Variants in KLKB1 observed in about 807,000 individuals in gnomAD.
KLKB1 encodes kallikrein B1, also known as plasma kallikrein.
Under a neutral mutation model 73.6 loss-of-function variants are expected in KLKB1, and 58 were observed. That is an observed-to-expected ratio of 0.79 (90% CI 0.64 to 0.98). The LOEUF (loss-of-function observed/expected upper bound fraction) is 0.98. Among genes scored for constraint, KLKB1 ranks in the 50% least tolerant of loss-of-function variants. The pLI, the probability that KLKB1 is intolerant of heterozygous loss-of-function variation, is 0.00. For missense variants in KLKB1, 737 were observed against 763.8 expected, an observed-to-expected ratio of 0.96 and a Z score of 0.41; for synonymous variants, 280 against 258.1, an observed-to-expected ratio of 1.08 and a Z score of -0.81.
upstream of KLKB1, among the ~76,000 whole-genome samples, chr4:186,225,757 A>C (rs571931046): frequency 6.6e-6 from 1 of 151,912 alleles, no homozygotes; most frequent in Non-Finnish European, 1.5e-5. Context: ...TATTTAATCT[A>C]TTTGGAGTTC....
intron 2 of KLKB1, among the ~76,000 whole-genome samples, chr4:186,231,487 T>TA (rs1483936907): frequency 6.6e-6 from 1 of 152,244 alleles, no homozygotes; most frequent in Non-Finnish European, 1.5e-5. Flanking sequence ...TAAACTGTCT[T>TA]AAAAATGAGT....
intron 2 of KLKB1, chr4:186,212,288 C>A (rs1736748392): frequency 6.6e-6 from 1 of 152,100 alleles, no homozygotes; most frequent in Non-Finnish European, 1.5e-5. Context: ...GGGATTCTTC[C>A]ATCTTTAAAG....
intron 2 of KLKB1, among the ~76,000 whole-genome samples, chr4:186,215,260 AT>A (rs1193271697): frequency 4.0e-5 from 6 of 149,556 alleles, no homozygotes; most frequent in African/African-American, 1.2e-4. Context: ...AAAAAAAAAA[AT>A]ATGTAGGCAC....
intron 6 of KLKB1, among the ~76,000 whole-genome samples, chr4:186,244,285 C>T (rs1580013272): frequency 6.6e-6 from 1 of 151,960 alleles, no homozygotes; most frequent in Non-Finnish European, 1.5e-5. Flanking sequence ...AACTTAGTAT[C>T]CAAAGGCGGA....
intron 2 of KLKB1, among the ~76,000 whole-genome samples, chr4:186,231,369 G>C (rs901435089): frequency 3.3e-5 from 5 of 152,178 alleles, no homozygotes; most frequent in African/African-American, 1.2e-4. Flanking sequence ...TAAAGACACC[G>C]AATTCTCTAA....
intron 2 of KLKB1, 25 bp from the exon 3 acceptor site, chr4:186,232,102 A>T: frequency 1.3e-6 from 2 of 1,572,026 alleles, no homozygotes; most frequent in Non-Finnish European, 1.7e-6. Flanking sequence ...ATTATCGCAA[A>T]TTAATTTTTA....
chr4:186,221,248 G>A (rs1429178468), intron 2 of KLKB1, among the ~76,000 whole-genome samples: 1 of 150,530 alleles, frequency 6.6e-6, no homozygotes, highest in East Asian at 1.9e-4. Context: ...CAATAACAGT[G>A]TCATTGACCT....
At chr4:186,254,260 G>A (rs1281177150) in intron 11 of KLKB1, among the ~76,000 whole-genome samples, 1 of 152,240 alleles carries the variant, frequency 6.6e-6, no homozygotes, top group Non-Finnish European at 1.5e-5. Flanking sequence ...TTTGGTGAAT[G>A]AGCTTAATTT....
upstream of KLKB1, among the ~76,000 whole-genome samples, chr4:186,225,423 CTTTTTTT>C (rs35336018): frequency 9.4e-6 from 1 of 106,682 alleles, no homozygotes. Flanking sequence ...GTGAGGATTT[CTTTTTTT>C]TTTTTTTTTT....
intron 6 of KLKB1, among the ~76,000 whole-genome samples, chr4:186,246,819 C>T (rs1383723707): frequency 2.0e-5 from 3 of 152,134 alleles, no homozygotes; most frequent in Non-Finnish European, 2.9e-5. Flanking sequence ...ACCTCTGAAA[C>T]GTGGGTGAAT....
At chr4:186,248,811 A>G (rs532860634) in intron 6 of KLKB1, among the ~76,000 whole-genome samples, 2 of 152,302 alleles carry the variant, frequency 1.3e-5, no homozygotes, top group East Asian at 3.9e-4. Flanking sequence ...TGAGGGCTTC[A>G]GTCTCTCTAC....
chr4:186,228,625 G>A (rs1737256279), intron 2 of KLKB1, among the ~76,000 whole-genome samples: 1 of 152,120 alleles, frequency 6.6e-6, no homozygotes. Flanking sequence ...AGAGTGCTAG[G>A]CATTTTATAG....
At chr4:186,246,561 A>T (rs1738366899) in intron 6 of KLKB1, among the ~76,000 whole-genome samples, 1 of 152,368 alleles carries the variant, frequency 6.6e-6, no homozygotes, top group East Asian at 1.9e-4. Context: ...GCATTGCAGA[A>T]GAAAATAAGG....
chr4:186,248,271 TAA>T (rs141288175), intron 6 of KLKB1, among the ~76,000 whole-genome samples: 2 of 142,904 alleles, frequency 1.4e-5, no homozygotes. Context: ...AAAAATAAAA[TAA>T]AAAAAAAAAA....
At chr4:186,225,526 G>C (rs893789490), upstream of KLKB1, among the ~76,000 whole-genome samples, 1 of 150,548 alleles carries the variant, frequency 6.6e-6, no homozygotes, top group South Asian at 2.1e-4. Context: ...CCGTCTCCTG[G>C]GTTCACACCA....
At position 186,213,668 on chromosome 4, in the gene KLKB1, A is replaced by G. The variant is rs185438407; in HGVS notation, c.201+4396A>G. 3.9e-3 allele frequency among the ~76,000 whole-genome samples: 592 copies of G among 152,342 alleles called. 1 individual carries two copies. Among genetic ancestry groups the G allele is most frequent in the Admixed American group, 8.2e-3 (126 of 15,306 alleles). ...CACTGGTCCCAGGGATTTAGAGTCC[A>G]GAAACCTCTCCAGGTGATGGACTGT... On this transcript the variant is annotated intron_variant, in intron 2 of 14. Coordinates refer to the KLKB1 transcript ENST00000511608.
rs4253329 is a variant in KLKB1 at position 186,257,634 on chromosome 4, A to G, written c.1725+269A>G. Among the ~76,000 whole-genome samples, 103,192 of 151,496 alleles carry G rather than the reference A, an allele frequency of 0.68. 35,370 individuals are homozygous for G. Among genetic ancestry groups the G allele is most frequent in the East Asian group, 0.86 (4,417 of 5,158 alleles). ...CTAGAATATAAAAACATTAGACTTCATCATTGGGATGATGATATCAAGATT... is the reference window on the plus strand; with the variant it reads ...CTAGAATATAAAAACATTAGACTTCGTCATTGGGATGATGATATCAAGATT... On this transcript the variant is annotated intron_variant, in intron 14 of 14. Coordinates refer to ENST00000264690, the MANE Select transcript of KLKB1 (RefSeq NM_000892.5).
upstream of KLKB1, among the ~76,000 whole-genome samples, chr4:186,225,921 C>G (rs561283369): frequency 2.0e-5 from 3 of 152,086 alleles, no homozygotes; most frequent in East Asian, 3.9e-4. Flanking sequence ...TTAACAGTGT[C>G]CTATAAGTCT....
intron 11 of KLKB1, among the ~76,000 whole-genome samples, chr4:186,254,085 G>A (rs1580039793): frequency 6.6e-6 from 1 of 152,152 alleles, no homozygotes. Flanking sequence ...CACCCACCTC[G>A]GCCTCCCGAA....
Sources: gnomAD v4.1 joint callset for allele counts (sites outside exome capture counted in the v4.1 genomes callset) on GRCh38, gnomAD v4.1.1 for gene constraint, MANE v1.5 for transcripts, NCBI Gene and HGNC (gene_info 2026-07-23, HGNC 2026-07-21) for gene names.